Variants in MARCHF10 observed in about 807,000 individuals in gnomAD.
MARCHF10 encodes membrane associated ring-CH-type finger 10, also known as probable E3 ubiquitin-protein ligase MARCHF10.
MARCHF10 carries 64 observed loss-of-function variants against 76.2 expected under a neutral mutation model. The ratio of observed to expected loss-of-function variants is 0.84; its 90% confidence interval spans 0.69 to 1.03. The LOEUF is 1.03. Ranked by LOEUF, MARCHF10 falls within the 50% of genes least tolerant of loss-of-function variation. MARCHF10 has a pLI of 0.00. For missense variants in MARCHF10, 875 were observed against 958.0 expected, an observed-to-expected ratio of 0.91 and a Z score of 1.14; for synonymous variants, 340 against 357.5, an observed-to-expected ratio of 0.95 and a Z score of 0.55.
intron 4 of MARCHF10, among the ~76,000 whole-genome samples, chr17:62,755,984 C>T (rs912879063): frequency 3.9e-5 from 6 of 151,932 alleles, no homozygotes; most frequent in African/African-American, 1.2e-4. Flanking sequence ...TGTGGTGGCT[C>T]ATGCCTGTAA....
intron 3 of MARCHF10, among the ~76,000 whole-genome samples, chr17:62,782,376 C>T (rs2092674946): frequency 8.2e-6 from 1 of 122,668 alleles, no homozygotes; most frequent in Non-Finnish European, 1.6e-5. Context: ...GAGATGGAGT[C>T]TCGCTCTGTC....
Position 62,736,713 on chromosome 17 carries a change from A to T in MARCHF10, c.1155T>A (p.Ala385=). The T allele has an allele frequency of 6.2e-7, 1 of 1,614,084 alleles. No homozygotes were observed. Among genetic ancestry groups the T allele is most frequent in the South Asian group, 1.1e-5 (1 of 91,074 alleles). Residue 385 remains alanine, a synonymous_variant, in exon 6 of 11, where the codon GCT becomes GCA. Transcript: ENST00000311269. The part of the protein sequence containing the change: ...QDPGLPDRES[A]TEKDRGGSEN... ...CACTGCCACCTCTGTCCTTCTCTGT[A>T]GCAGATTCCCTATCAGGCAGCCCGG...
chr17:62,769,593 T>C (rs1312428614), intron 3 of MARCHF10, among the ~76,000 whole-genome samples: 1 of 152,144 alleles, frequency 6.6e-6, no homozygotes, highest in Non-Finnish European at 1.5e-5. Flanking sequence ...TTTGTATTTT[T>C]AGTAGAGACA....
rs547273223 is a variant in MARCHF10 at position 62,744,282 on chromosome 17, A to G, written c.535+94T>C. The G allele has an allele frequency of 2.8e-5, 38 of 1,333,910 alleles. No individual in the cohort carries two copies. In the Admixed American group the frequency reaches 3.8e-4, roughly 13 times the overall value. 82.6% of individuals were successfully genotyped at this position (1,333,910 alleles called of 1,614,324 possible). ...ACATGCACCTCATTTACTTAAAAGT[A>G]CAAGTATCTAAAAACCATAAAGAAT... On this transcript the variant is annotated intron_variant, in intron 5 of 10. Transcript: ENST00000311269.
intron 4 of MARCHF10, among the ~76,000 whole-genome samples, chr17:62,745,627 G>A (rs576938772): frequency 6.6e-6 from 1 of 152,324 alleles, no homozygotes; most frequent in African/African-American, 2.4e-5. Context: ...GGAACCGTAT[G>A]CCTTTCTCTT....
At chr17:62,791,250 C>T (rs115021081) in intron 2 of MARCHF10, among the ~76,000 whole-genome samples, 79 of 152,260 alleles carry the variant, frequency 5.2e-4, no homozygotes, top group African/African-American at 1.9e-3. Flanking sequence ...CAAATGGGAG[C>T]TTGTGTTTGG....
chr17:62,728,786 G>A (rs2090879531), intron 6 of MARCHF10, among the ~76,000 whole-genome samples: 1 of 152,146 alleles, frequency 6.6e-6, no homozygotes, highest in African/African-American at 2.4e-5. Flanking sequence ...CCACCAAGAA[G>A]AGATCAGCCA....
chr17:62,731,353 C>T (rs2091015250), intron 6 of MARCHF10, among the ~76,000 whole-genome samples: 1 of 152,156 alleles, frequency 6.6e-6, no homozygotes, highest in South Asian at 2.1e-4. Context: ...ACCTCTGCCT[C>T]CTGGGTTCAA....
Position 62,736,703 on chromosome 17 carries a change from CCTT to C in MARCHF10, c.1162_1164del (p.Lys388del), listed in dbSNP as rs1387686864. The C allele has an allele frequency of 4.7e-5, 76 of 1,614,020 alleles. No individual in the cohort carries two copies. The highest frequency in any genetic ancestry group is 6.3e-5 in the Non-Finnish European group (74 of 1,180,032). Reference sequence around the variant, plus strand: ...TTCGCATTTTCACTGCCACCTCTGTCCTTCTCTGTAGCAGATTCCCTATCAGGC... The same window carrying C: ...TTCGCATTTTCACTGCCACCTCTGTCCTCTGTAGCAGATTCCCTATCAGGC... On this transcript the variant is annotated inframe_deletion, in exon 6 of 11. Transcript: ENST00000311269.
intron 2 of MARCHF10, among the ~76,000 whole-genome samples, chr17:62,792,822 A>ACCC (rs748717920): frequency 8.9e-6 from 1 of 112,006 alleles, no homozygotes; most frequent in Non-Finnish European, 1.8e-5. Flanking sequence ...CACCACCACC[A>ACCC]CCTCCACTGC....
At chr17:62,766,014 C>T (rs984002189) in intron 3 of MARCHF10, among the ~76,000 whole-genome samples, 3 of 148,602 alleles carry the variant, frequency 2.0e-5, no homozygotes, top group Non-Finnish European at 3.0e-5. Flanking sequence ...GGCAACATAG[C>T]GAGACCTTGT....
intron 3 of MARCHF10, among the ~76,000 whole-genome samples, chr17:62,763,454 C>G (rs1284822408): frequency 2.0e-5 from 3 of 152,190 alleles, no homozygotes; most frequent in Admixed American, 6.5e-5. Flanking sequence ...GTTTTTGAGA[C>G]AGTAAAGCTC....
At chr17:62,747,206 A>G (rs989767397) in intron 4 of MARCHF10, among the ~76,000 whole-genome samples, 5 of 152,224 alleles carry the variant, frequency 3.3e-5, no homozygotes, top group Admixed American at 2.0e-4. Flanking sequence ...GTGAGGCTTG[A>G]GAAGATGCAT....
At chr17:62,754,406 T>C (rs939141062) in intron 4 of MARCHF10, among the ~76,000 whole-genome samples, 4 of 152,054 alleles carry the variant, frequency 2.6e-5, no homozygotes, top group Non-Finnish European at 5.9e-5. Flanking sequence ...CAAATACAAG[T>C]GTCTTTGGTC....
intron 4 of MARCHF10, among the ~76,000 whole-genome samples, chr17:62,753,996 C>T (rs557491822): frequency 2.0e-5 from 3 of 152,218 alleles, no homozygotes; most frequent in East Asian, 3.9e-4. Flanking sequence ...GCTAACATCC[C>T]CATAGGTACT....
At chr17:62,801,199 C>G (rs12450089) in intron 2 of MARCHF10, among the ~76,000 whole-genome samples, 1 of 152,046 alleles carries the variant, frequency 6.6e-6, no homozygotes, top group Non-Finnish European at 1.5e-5. Context: ...CGCTGTGTTG[C>G]CCAGGCTAAA....
At chr17:62,796,381 G>T (rs2092986042) in intron 2 of MARCHF10, among the ~76,000 whole-genome samples, 1 of 152,172 alleles carries the variant, frequency 6.6e-6, no homozygotes, top group Non-Finnish European at 1.5e-5. Context: ...AAAAAAATTT[G>T]CTGCTCCCTG....
intron 8 of MARCHF10, among the ~76,000 whole-genome samples, chr17:62,721,876 G>A (rs924666786): frequency 5.3e-5 from 8 of 152,032 alleles, no homozygotes; most frequent in African/African-American, 1.9e-4. Context: ...TTCTGCAAAC[G>A]TGGGTGTGGA....
intron 2 of MARCHF10, among the ~76,000 whole-genome samples, chr17:62,795,804 T>C (rs1316984246): frequency 6.6e-6 from 1 of 152,186 alleles, no homozygotes; most frequent in Non-Finnish European, 1.5e-5. Context: ...AGCCTGTTTG[T>C]ATGCCCTGAA....
Sources: gnomAD v4.1 joint callset for allele counts (sites outside exome capture counted in the v4.1 genomes callset) on GRCh38, gnomAD v4.1.1 for gene constraint, MANE v1.5 for transcripts, NCBI Gene and HGNC (gene_info 2026-07-23, HGNC 2026-07-21) for gene names.